B3GALT1: variants seen among roughly 807,000 people sequenced by gnomAD.
The protein encoded by B3GALT1 is UDP-Gal:betaGlcNAc beta 1,3-galactosyltransferase, polypeptide 1.
A neutral mutation model predicts 23.2 loss-of-function variants in B3GALT1; 10 were observed. The ratio of observed to expected loss-of-function variants is 0.43; its 90% CI spans 0.27 to 0.73. The LOEUF (loss-of-function observed/expected upper bound fraction) is 0.73. B3GALT1 is among the 30% of genes least tolerant of loss of function. The pLI is 0.21. For missense variants in B3GALT1, 299 were observed against 405.4 expected (o/e 0.74, Z 2.25); for synonymous variants, 156 against 141.5 (o/e 1.10, Z -0.73).
intron 4 of B3GALT1, among the ~76,000 whole-genome samples, chr2:167,825,437 GGT>G (rs111721100): frequency 3.7e-4 from 53 of 144,472 alleles, no homozygotes; most frequent in Non-Finnish European, 6.0e-4. Flanking sequence ...TATATGCAGG[GGT>G]GTGTGTGTGT....
chr2:167,546,946 T>G lies in B3GALT1; in HGVS notation c.-410+56669T>G, dbSNP rs550095010. Among the ~76,000 whole-genome samples, 4 of 152,300 alleles carry G rather than the reference T, an allele frequency of 2.6e-5. No individual in the cohort carries two copies. The East Asian group carries it at 5.8e-4, about 22-fold the overall frequency. ...AGCACCCTCATCCTTCACTTTCCCT[T>G]GACCCACTATGCCCCTGGCCATTTT... On this transcript the variant is annotated intron_variant, in intron 2 of 4. Transcript: ENST00000392690.
At chr2:167,363,870 G>A (rs976054671) in intron 1 of B3GALT1, among the ~76,000 whole-genome samples, 1 of 152,010 alleles carries the variant, frequency 6.6e-6, no homozygotes, top group Non-Finnish European at 1.5e-5. Flanking sequence ...TATGAAAACT[G>A]GTAACAGGCT....
At chr2:167,654,677 G>T (rs527244818) in intron 3 of B3GALT1, among the ~76,000 whole-genome samples, 12 of 151,816 alleles carry the variant, frequency 7.9e-5, no homozygotes, top group African/African-American at 2.4e-4. Flanking sequence ...AAATTTTTTT[G>T]TAGAGACAGG....
chr2:167,294,817 C>T (rs1459076496), intron 1 of B3GALT1, among the ~76,000 whole-genome samples: 1 of 152,138 alleles, frequency 6.6e-6, no homozygotes, highest in Non-Finnish European at 1.5e-5. Flanking sequence ...TTATGTAGCT[C>T]CGTAATCTCT....
In B3GALT1 at chr2:167,699,380, A is replaced by ATTTTT. The variant is rs1169813738; in HGVS notation, c.-352+52435_-352+52439dup. On this transcript the variant is annotated intron_variant, in intron 3 of 4. Transcript: ENST00000392690. ...GGGGGAGTTTTTTGCCATTATTTCT[A>ATTTTT]TTTTTTTTTTTTTTTTTTTTTTTTT... Among the ~76,000 whole-genome samples, 88 of 100,154 alleles carry ATTTTT rather than the reference A, an allele frequency of 8.8e-4. 1 individual carries two copies. The highest frequency in any genetic ancestry group is 1.2e-3 in the African/African-American group (31 of 26,408). The allele number at this position is 100,154 out of a possible 152,430, so 65.7% of individuals were successfully genotyped here. A position where few individuals can be genotyped will look rare whatever the true frequency, so the allele number is the denominator to read the frequency against.
intron 1 of B3GALT1, among the ~76,000 whole-genome samples, chr2:167,338,260 T>G (rs1697091495): frequency 6.6e-6 from 1 of 152,186 alleles, no homozygotes; most frequent in Non-Finnish European, 1.5e-5. Context: ...ATCTTAGTTT[T>G]TGGTCTTGCA....
At chr2:167,734,833 T>C (rs1687467246) in intron 3 of B3GALT1, among the ~76,000 whole-genome samples, 1 of 152,214 alleles carries the variant, frequency 6.6e-6, no homozygotes, top group Admixed American at 6.5e-5. Flanking sequence ...ATCTTTTATC[T>C]TCCAATTTTT....
chr2:167,537,719 C>T (rs1683453278), intron 2 of B3GALT1, among the ~76,000 whole-genome samples: 1 of 152,142 alleles, frequency 6.6e-6, no homozygotes, highest in South Asian at 2.1e-4. Context: ...TAAACCTTTT[C>T]CTTACTTCTG....
At chr2:167,638,098 T>C (rs191604198) in intron 2 of B3GALT1, among the ~76,000 whole-genome samples, 171 of 152,176 alleles carry the variant, frequency 1.1e-3, no homozygotes, top group African/African-American at 4.0e-3. Flanking sequence ...ATAAGTGGCA[T>C]ATTTGAAAAT....
At chr2:167,605,321 T>G (rs1684944638) in intron 2 of B3GALT1, among the ~76,000 whole-genome samples, 1 of 152,222 alleles carries the variant, frequency 6.6e-6, no homozygotes, top group Admixed American at 6.5e-5. Flanking sequence ...TTTTTTCTTC[T>G]GAGTATGTGG....
At chr2:167,336,713 G>A (rs1697061720) in intron 1 of B3GALT1, among the ~76,000 whole-genome samples, 2 of 152,068 alleles carry the variant, frequency 1.3e-5, no homozygotes, top group African/African-American at 4.8e-5. Flanking sequence ...TAAACCGGAA[G>A]ATGCAGTAGA....
rs532034180 is a variant in B3GALT1 at position 167,559,688 on chromosome 2, T to C, written c.-410+69411T>C. The stretch of plus-strand genomic sequence containing the variant: ...AGCCTCAGGACCCAGTGCGATCAAC[T>C]GGAAGAAAGGGTATCAGTGATGGAA... On this transcript the variant is annotated intron_variant, in intron 2 of 4. Coordinates refer to ENST00000392690, the MANE Select transcript of B3GALT1 (RefSeq NM_020981.4). 8.5e-5 allele frequency among the ~76,000 whole-genome samples: 13 copies of C among 152,122 alleles called. No homozygotes were observed. In the South Asian group the frequency reaches 2.7e-3, roughly 32 times the overall value.
chr2:167,526,573 T>C lies in B3GALT1; in HGVS notation c.-410+36296T>C, dbSNP rs1683223359. ...ATTTCTTCAAGTCCTCATAAATATG[T>C]GTAGTGTTATGTCATTGTGTCATGC... is the stretch of plus-strand genomic sequence containing the variant. On this transcript the variant is annotated intron_variant, in intron 2 of 4. Transcript: ENST00000392690. Among the ~76,000 whole-genome samples the C allele has an allele frequency of 1.3e-5, 2 of 152,180 alleles. 1 individual carries two copies. The highest frequency in any genetic ancestry group is 4.1e-4 in the South Asian group (2 of 4,830).
intron 1 of B3GALT1, among the ~76,000 whole-genome samples, chr2:167,322,460 A>G (rs955064401): frequency 6.6e-6 from 1 of 152,024 alleles, no homozygotes; most frequent in Non-Finnish European, 1.5e-5. Flanking sequence ...AGAAAAATTC[A>G]TGTATAAAAT....
At chr2:167,686,541 C>T (rs936892880) in intron 3 of B3GALT1, among the ~76,000 whole-genome samples, 1 of 152,120 alleles carries the variant, frequency 6.6e-6, no homozygotes, top group Non-Finnish European at 1.5e-5. Flanking sequence ...AATTCCTTCT[C>T]CTTGCTATAT....
At chr2:167,794,408 T>G (rs934097323) in intron 3 of B3GALT1, among the ~76,000 whole-genome samples, 2 of 152,222 alleles carry the variant, frequency 1.3e-5, no homozygotes, top group African/African-American at 4.8e-5. Flanking sequence ...TGATTTACTG[T>G]TGCATAAAAA....
chr2:167,708,506 CA>C (rs1380208318), intron 3 of B3GALT1, among the ~76,000 whole-genome samples: 3 of 152,064 alleles, frequency 2.0e-5, no homozygotes, highest in Non-Finnish European at 4.4e-5. Context: ...ACTAAAAATA[CA>C]AAAAATTAGC....
At chr2:167,665,166 G>A (rs1247056082) in intron 3 of B3GALT1, among the ~76,000 whole-genome samples, 1 of 150,788 alleles carries the variant, frequency 6.6e-6, no homozygotes, top group Non-Finnish European at 1.5e-5. Context: ...AGAGTTTTTA[G>A]CATGAAGCGT....
At chr2:167,729,795 T>G (rs1012469924) in intron 3 of B3GALT1, among the ~76,000 whole-genome samples, 7 of 151,910 alleles carry the variant, frequency 4.6e-5, no homozygotes, top group Non-Finnish European at 1.0e-4. Flanking sequence ...GAACCAAAAG[T>G]CATGTGAAGA....
Sources: gnomAD v4.1 joint callset for allele counts (sites outside exome capture counted in the v4.1 genomes callset) on GRCh38, gnomAD v4.1.1 for gene constraint, MANE v1.5 for transcripts, NCBI Gene and HGNC (gene_info 2026-07-23, HGNC 2026-07-21) for gene names.